The following PALD1 variants were observed in gnomAD, a reference collection of about 807,000 sequenced individuals.
PALD1 encodes the protein phosphatase domain containing paladin 1.
A neutral mutation model predicts 96.0 loss-of-function variants in PALD1; 57 were observed. The observed-to-expected ratio is 0.59, with a 90% CI of 0.48 to 0.74. The LOEUF (loss-of-function observed/expected upper bound fraction) is 0.74, where lower values mean the gene tolerates loss of function less well. PALD1 is among the 30% of genes least tolerant of loss of function. The pLI, the probability that PALD1 is intolerant of heterozygous loss-of-function variation, is 0.00. For missense variants in PALD1, 1,063 were observed against 1,143.7 expected (o/e 0.93, Z 1.02); for synonymous variants, 464 against 473.6 (o/e 0.98, Z 0.26).
intron 1 of PALD1, among the ~76,000 whole-genome samples, chr10:70,502,551 C>A (rs1293777437): frequency 1.3e-5 from 2 of 152,044 alleles, no homozygotes; most frequent in Non-Finnish European, 2.9e-5. Context: ...AAATATCTTT[C>A]ACATTCATAG....
chr10:70,462,578 G>T, the PALD1 span, among the ~76,000 whole-genome samples: 1 of 152,240 alleles, frequency 6.6e-6, no homozygotes, highest in African/African-American at 2.4e-5. Context: ...GTGCATGCTT[G>T]TGCAGGGCAT....
intron 1 of PALD1, among the ~76,000 whole-genome samples, chr10:70,497,417 G>C (rs1846213812): frequency 6.6e-6 from 1 of 152,192 alleles, no homozygotes; most frequent in South Asian, 2.1e-4. Context: ...GGTAGCGTTT[G>C]GGTCATTCCT....
chr10:70,460,819 G>A, the PALD1 span, among the ~76,000 whole-genome samples: 1 of 152,316 alleles, frequency 6.6e-6, no homozygotes, highest in Admixed American at 6.5e-5. Flanking sequence ...ACTTTGGGAG[G>A]CCGAGGCGGG....
intron 10 of PALD1, among the ~76,000 whole-genome samples, chr10:70,537,492 T>C (rs1262349613): frequency 6.6e-6 from 1 of 152,160 alleles, no homozygotes; most frequent in Non-Finnish European, 1.5e-5. Flanking sequence ...CCCTGACCTG[T>C]TGGGTGTCGC....
chr10:70,546,189 A>C (rs1847358544), intron 17 of PALD1, among the ~76,000 whole-genome samples: 1 of 151,358 alleles, frequency 6.6e-6, no homozygotes, highest in Non-Finnish European at 1.5e-5. Flanking sequence ...GTGAGCCGAG[A>C]TCTCACCACT....
chr10:70,537,731 A>G, intron 10 of PALD1, 80 bp from the exon 11 acceptor site: 1 of 920,370 alleles, frequency 1.1e-6, no homozygotes, highest in East Asian at 2.4e-5. Flanking sequence ...TCCAAGGCTT[A>G]ACTCCTGCCC....
At chr10:70,517,841 A>T (rs377249219) in intron 1 of PALD1, among the ~76,000 whole-genome samples, 7 of 151,786 alleles carry the variant, frequency 4.6e-5, no homozygotes, top group African/African-American at 1.7e-4. Context: ...TCTCGGTAAT[A>T]GTTTTGAGGT....
At chr10:70,491,847 G>T (rs982308377) in intron 1 of PALD1, among the ~76,000 whole-genome samples, 2 of 152,170 alleles carry the variant, frequency 1.3e-5, no homozygotes, top group African/African-American at 4.8e-5. Context: ...CATGTAATAT[G>T]TGACCTTCTG....
At position 70,547,345 on chromosome 10, in the gene PALD1, C is replaced by T. The variant is rs3740447; in HGVS notation, c.2161C>T (p.Arg721Cys). The change falls in exon 18 of 20, where the codon CGT (arginine) becomes TGT (cysteine). Residue 721 changes from arginine to cysteine, a missense_variant. Coordinates refer to ENST00000263563, the MANE Select transcript of PALD1 (RefSeq NM_014431.3). ...GGTGCAGCTGCTACCCGATGGGCAC[C>T]GTGTGAAGAAGGAGGTGGACGCAGC... The part of the protein sequence containing the change: ...KVVQLLPDGH[R>C]VKKEVDAALD... 247,925 of 1,612,482 alleles carry T rather than the reference C, an allele frequency of 0.15. 22,324 individuals are homozygous for T. The highest frequency in any genetic ancestry group is 0.46 in the East Asian group (20,488 of 44,836).
chr10:70,537,226 G>C (rs1449827558), intron 10 of PALD1, among the ~76,000 whole-genome samples: 2 of 151,984 alleles, frequency 1.3e-5, no homozygotes, highest in Admixed American at 6.6e-5. Context: ...TCCCACCTCA[G>C]CCTCACGAGT....
chr10:70,534,410 A>C lies in PALD1; in HGVS notation c.1023-15A>C, dbSNP rs964511396. The C allele has an allele frequency of 4.4e-6, 7 of 1,577,694 alleles. No homozygotes were observed. Among genetic ancestry groups the C allele is most frequent in the Non-Finnish European group, 6.1e-6 (7 of 1,154,444 alleles). On this transcript the variant is annotated splice_polypyrimidine_tract_variant and intron_variant, in intron 8 of 19. Transcript: ENST00000263563. Reference sequence around the variant, plus strand: ...TTTGGAAGAGCCTGCTAATGTACTGACCCTGCCTCGACAGGGCTGCCCCCA... The same window carrying C: ...TTTGGAAGAGCCTGCTAATGTACTGCCCCTGCCTCGACAGGGCTGCCCCCA...
chr10:70,514,130 C>T (rs1047264866), intron 1 of PALD1, among the ~76,000 whole-genome samples: 13 of 152,234 alleles, frequency 8.5e-5, no homozygotes, highest in African/African-American at 1.4e-4. Context: ...GCGGGCCGTC[C>T]GGTCATTCTG....
chr10:70,490,187 T>C (rs1271259229), intron 1 of PALD1, among the ~76,000 whole-genome samples: 1 of 152,134 alleles, frequency 6.6e-6, no homozygotes, highest in Non-Finnish European at 1.5e-5. Flanking sequence ...CCTCCCATAA[T>C]GCTGGGATTA....
chr10:70,534,008 C>G lies in PALD1; in HGVS notation c.957C>G (p.Thr319=), dbSNP rs1285664586. 6.2e-7 allele frequency: 1 copy of G among 1,613,186 alleles called. No homozygotes were observed. The highest frequency in any genetic ancestry group is 8.5e-7 in the Non-Finnish European group (1 of 1,179,674). The change falls in exon 8 of 20, where the codon ACC becomes ACG. Residue 319 remains threonine, a synonymous_variant. Coordinates refer to ENST00000263563, the MANE Select transcript of PALD1 (RefSeq NM_014431.3). The part of the protein sequence containing the change: ...VFSCQMGVGR[T]NLGMVLGTLI... ...GCTGCCAGATGGGCGTGGGCAGGAC[C>G]AACCTGGGCATGGTCCTGGGCACCC... is the stretch of plus-strand genomic sequence containing the variant.
the PALD1 span, among the ~76,000 whole-genome samples, chr10:70,472,748 G>C: frequency 6.6e-6 from 1 of 152,068 alleles, no homozygotes; most frequent in East Asian, 1.9e-4. Flanking sequence ...CCTTTCTGAC[G>C]GCAGTAGTGG....
At chr10:70,469,503 T>C in the PALD1 span, among the ~76,000 whole-genome samples, 1 of 152,192 alleles carries the variant, frequency 6.6e-6, no homozygotes, top group African/African-American at 2.4e-5. Context: ...GTGCATTGAA[T>C]GCATTATGCT....
At chr10:70,504,545 C>T (rs1028187907) in intron 1 of PALD1, among the ~76,000 whole-genome samples, 1 of 152,082 alleles carries the variant, frequency 6.6e-6, no homozygotes, top group Non-Finnish European at 1.5e-5. Context: ...AACAAAAACA[C>T]GTATTTATAA....
At chr10:70,492,272 AT>A (rs975761911) in intron 1 of PALD1, among the ~76,000 whole-genome samples, 7 of 152,050 alleles carry the variant, frequency 4.6e-5, no homozygotes, top group Non-Finnish European at 1.0e-4. Flanking sequence ...GGTTCCACTT[AT>A]GCTTTTTCAA....
intron 17 of PALD1, among the ~76,000 whole-genome samples, chr10:70,542,973 G>A (rs536940782): frequency 1.3e-4 from 19 of 150,928 alleles, no homozygotes; most frequent in Non-Finnish European, 2.6e-4. Context: ...GGAGTTCACC[G>A]TGTTGGCCAG....
Sources: allele counts gnomAD v4.1 joint callset (sites outside exome capture counted in the v4.1 genomes callset), GRCh38; gene constraint gnomAD v4.1.1; transcripts MANE v1.5; gene names NCBI Gene and HGNC (gene_info 2026-07-23, HGNC 2026-07-21).